The following GLCCI1 variants were observed in gnomAD, a reference collection of about 807,000 sequenced individuals.
GLCCI1 encodes the protein glucocorticoid induced 1.
In GLCCI1, 24 loss-of-function variants were observed where a neutral mutation model predicts 52.2. The observed-to-expected ratio is 0.46, with a 90% confidence interval of 0.33 to 0.65. The LOEUF is 0.65. GLCCI1 is among the 30% of genes least tolerant of loss of function. The pLI is 0.02. For synonymous variants in GLCCI1, 310 were observed against 276.5 expected (o/e 1.12, Z -1.20); for missense variants, 704 against 701.5 (o/e 1.00, Z -0.04).
At chr7:8,061,825 C>T (rs1215379701) in intron 5 of GLCCI1, among the ~76,000 whole-genome samples, 1 of 151,958 alleles carries the variant, frequency 6.6e-6, no homozygotes, top group Non-Finnish European at 1.5e-5. Context: ...CACCACCATG[C>T]CCAGCTAATT....
chr7:7,999,354 T>A (rs1781005884), intron 1 of GLCCI1, among the ~76,000 whole-genome samples: 1 of 152,198 alleles, frequency 6.6e-6, no homozygotes, highest in Non-Finnish European at 1.5e-5. Context: ...ATGCCTGTAA[T>A]CTCAGTGCTT....
At chr7:8,062,415 T>C (rs1213087731) in intron 5 of GLCCI1, among the ~76,000 whole-genome samples, 1 of 152,220 alleles carries the variant, frequency 6.6e-6, no homozygotes, top group Non-Finnish European at 1.5e-5. Context: ...AGAATAGTTA[T>C]TGCTGTGAAG....
intron 2 of GLCCI1, among the ~76,000 whole-genome samples, chr7:8,004,661 T>C (rs961827693): frequency 1.3e-5 from 2 of 152,226 alleles, no homozygotes; most frequent in South Asian, 4.1e-4. Context: ...TCAGCATTTA[T>C]TGGCATAAAG....
At chr7:7,974,823 A>C (rs1583937038) in intron 1 of GLCCI1, among the ~76,000 whole-genome samples, 1 of 152,306 alleles carries the variant, frequency 6.6e-6, no homozygotes, top group Non-Finnish European at 1.5e-5. Context: ...AGACACCACT[A>C]AGATAGACTT....
intron 6 of GLCCI1, among the ~76,000 whole-genome samples, chr7:8,076,399 G>A (rs145473171): frequency 1.8e-4 from 28 of 152,208 alleles, no homozygotes; most frequent in African/African-American, 6.7e-4. Context: ...TCCAACAAAG[G>A]AGTTAGTCTA....
chr7:8,037,156 TC>T (rs1781884727), intron 3 of GLCCI1, among the ~76,000 whole-genome samples: 1 of 152,104 alleles, frequency 6.6e-6, no homozygotes. Flanking sequence ...GCATCTAATC[TC>T]CTGTAAAGGA....
intron 6 of GLCCI1, 83 bp downstream of exon 6, chr7:8,071,214 T>A: frequency 8.9e-7 from 1 of 1,117,466 alleles, no homozygotes; most frequent in Non-Finnish European, 1.3e-6. Flanking sequence ...ATCTTTTTTT[T>A]TTTCTTTTGT....
intron 1 of GLCCI1, among the ~76,000 whole-genome samples, chr7:7,999,764 G>C (rs1326459414): frequency 1.3e-5 from 2 of 152,060 alleles, no homozygotes; most frequent in Admixed American, 6.6e-5. Flanking sequence ...TTAGCTGGGT[G>C]TGGTGATGCA....
At chr7:8,031,566 A>G (rs1191710435) in intron 3 of GLCCI1, among the ~76,000 whole-genome samples, 1 of 152,180 alleles carries the variant, frequency 6.6e-6, no homozygotes, top group Non-Finnish European at 1.5e-5. Flanking sequence ...TGTTAGTAAC[A>G]TAAAGAATAA....
chr7:7,996,672 T>A (rs933376300), intron 1 of GLCCI1, among the ~76,000 whole-genome samples: 3 of 152,228 alleles, frequency 2.0e-5, no homozygotes, highest in African/African-American at 7.2e-5. Context: ...CTGCATTTTT[T>A]GGTTTGTTTG....
chr7:7,993,788 G>GA (rs5882149), intron 1 of GLCCI1, among the ~76,000 whole-genome samples: 91,814 of 147,648 alleles, frequency 0.62, 28,764 homozygotes, highest in African/African-American at 0.76. Context: ...GTTACATCCT[G>GA]AAAAAAAAAA....
intron 1 of GLCCI1, among the ~76,000 whole-genome samples, chr7:7,987,075 A>G (rs1445355492): frequency 6.6e-6 from 1 of 152,124 alleles, no homozygotes; most frequent in East Asian, 1.9e-4. Context: ...GTCTTTCTTT[A>G]AAAACAAAAC....
intron 2 of GLCCI1, among the ~76,000 whole-genome samples, chr7:8,012,616 T>C (rs1781290667): frequency 6.6e-6 from 1 of 151,712 alleles, no homozygotes; most frequent in East Asian, 1.9e-4. Context: ...GGCTAATTTT[T>C]TGTATTTTTT....
rs777229810 is a variant in GLCCI1 at position 8,086,526 on chromosome 7, T to C, written c.1632T>C (p.Tyr544=). 4 of 1,584,036 alleles carry C rather than the reference T, an allele frequency of 2.5e-6. No homozygotes were observed. In the South Asian group the frequency reaches 3.5e-5, roughly 14 times the overall value. ...AGGACCACATCTCTGCTCAGAACTA[T>C]GTGATCATCTAAAAAAGGGGGAGCT... The part of the protein sequence containing the change: ...QGEDHISAQN[Y]VII The change falls in exon 8 of 8, where the codon TAT becomes TAC. Residue 544 remains tyrosine, a synonymous_variant. Coordinates refer to ENST00000223145, the MANE Select transcript of GLCCI1 (RefSeq NM_138426.4). This position sits in a 1 kb window ranked among gnomAD's most constrained non-coding sequence, Gnocchi z 4.4.
intron 2 of GLCCI1, among the ~76,000 whole-genome samples, chr7:8,017,257 T>A (rs1446325148): frequency 1.3e-5 from 2 of 152,226 alleles, no homozygotes; most frequent in African/African-American, 4.8e-5. Context: ...TGGCCATATG[T>A]AGTAATCACC....
intron 5 of GLCCI1, chr7:8,070,617 G>A: frequency 4.8e-6 from 1 of 207,970 alleles, no homozygotes; most frequent in East Asian, 1.1e-4. Flanking sequence ...CCATGTGCCA[G>A]GAGTAGTGCC....
chr7:7,995,381 G>T (rs1780918763), intron 1 of GLCCI1, among the ~76,000 whole-genome samples: 1 of 152,120 alleles, frequency 6.6e-6, no homozygotes, highest in African/African-American at 2.4e-5. Flanking sequence ...GTGGTAGCAT[G>T]TGCCTGTAGC....
intron 5 of GLCCI1, among the ~76,000 whole-genome samples, chr7:8,069,646 G>A (rs186001562): frequency 1.8e-4 from 27 of 152,122 alleles, no homozygotes; most frequent in Admixed American, 5.9e-4. Context: ...TAAAGCCCTC[G>A]GCCTCTCTGT....
chr7:7,981,019 G>T (rs1167000736), intron 1 of GLCCI1: 8 of 514,768 alleles, frequency 1.6e-5, no homozygotes, highest in Non-Finnish European at 2.9e-5. Flanking sequence ...CGAAGAAGTA[G>T]AAGAAATAAA....
Sources: gnomAD v4.1 joint callset for allele counts (sites outside exome capture counted in the v4.1 genomes callset) on GRCh38, gnomAD v4.1.1 for gene constraint, Gnocchi (gnomAD v3.1) non-coding constraint, MANE v1.5 for transcripts, NCBI Gene and HGNC (gene_info 2026-07-23, HGNC 2026-07-21) for gene names.